ABHD17B: variants seen among roughly 807,000 people sequenced by gnomAD.
The protein encoded by ABHD17B is abhydrolase domain containing 17B, depalmitoylase.
In ABHD17B, 9 loss-of-function variants were observed where a neutral mutation model predicts 26.2. The observed-to-expected ratio is 0.34, with a 90% confidence interval of 0.21 to 0.60. The LOEUF (loss-of-function observed/expected upper bound fraction) is 0.60, where lower values mean the gene tolerates loss of function less well. ABHD17B is among the 20% of genes least tolerant of loss of function. The pLI, the probability that ABHD17B is intolerant of heterozygous loss-of-function variation, is 0.80. For synonymous variants in ABHD17B, 127 were observed against 122.3 expected (o/e 1.04, Z -0.25); for missense variants, 224 against 352.1 (o/e 0.64, Z 2.91).
chr9:71,895,221 C>T (rs1380738100), intron 1 of ABHD17B, among the ~76,000 whole-genome samples: 2 of 152,116 alleles, frequency 1.3e-5, no homozygotes, highest in Admixed American at 1.3e-4. Context: ...TTTTTTCCTC[C>T]CTCCTCCCAC....
chr9:71,908,922 G>A (rs72739874), intron 1 of ABHD17B, among the ~76,000 whole-genome samples: 13,515 of 152,238 alleles, frequency 0.089, 710 homozygotes, highest in Non-Finnish European at 0.12. Context: ...GTGGGATAGC[G>A]TGCCTGGAGT....
rs923789085 is a variant in ABHD17B, at chr9:71,885,410, A to G, written c.-3-10327T>C. Among the ~76,000 whole-genome samples the G allele has an allele frequency of 1.9e-4, 28 of 150,042 alleles. No homozygotes were observed. The Admixed American group carries it at 1.9e-3, about 10-fold the overall frequency. On this transcript the variant is annotated intron_variant, in intron 1 of 3. Transcript: ENST00000333421. ...GGGAAGCAGAGGTTACAGTGAGCCG[A>G]GATTGCACCACTGCACTCCAGCCTG... is the stretch of plus-strand genomic sequence containing the variant.
intron 1 of ABHD17B, among the ~76,000 whole-genome samples, chr9:71,906,026 G>T (rs1263675531): frequency 6.6e-6 from 1 of 152,052 alleles, no homozygotes; most frequent in Non-Finnish European, 1.5e-5. Flanking sequence ...TCCAGCCTGG[G>T]CAACAGAGTG....
Position 71,879,252 on chromosome 9 carries a change from T to C in ABHD17B, c.-3-4169A>G, listed in dbSNP as rs192506971. 1.7e-3 allele frequency among the ~76,000 whole-genome samples: 260 copies of C among 152,286 alleles called. 2 individuals are homozygous for C. Among genetic ancestry groups the C allele is most frequent in the African/African-American group, 5.9e-3 (247 of 41,550 alleles). On this transcript the variant is annotated intron_variant, in intron 1 of 3. Coordinates refer to ENST00000333421, the MANE Select transcript of ABHD17B (RefSeq NM_001025780.3). The stretch of plus-strand genomic sequence containing the variant: ...AAATAAAGGAGAATAGTTAATACAA[T>C]GTTTTTTGTACAAGTGAGCAATGGG...
chr9:71,865,639 G>C lies in ABHD17B; in HGVS notation c.*1148C>G. 1 of 893,108 alleles carries C rather than the reference G, an allele frequency of 1.1e-6. No homozygotes were observed. The highest frequency in any genetic ancestry group is 5.2e-5 in the South Asian group (1 of 19,288). The allele number at this position is 893,108 out of a possible 1,614,324, so 55.3% of individuals were successfully genotyped here. On this transcript the variant is annotated 3_prime_UTR_variant, in exon 4 of 4. Transcript: ENST00000333421. The stretch of plus-strand genomic sequence containing the variant: ...CCGACACTTTGGGAGGCCAAGGGCA[G>C]ATCATGAGGTCAGGAGTTCAAGACC...
At chr9:71,872,783 AT>A (rs1336782862) in intron 2 of ABHD17B, among the ~76,000 whole-genome samples, 19 of 152,108 alleles carry the variant, frequency 1.2e-4, no homozygotes, top group Admixed American at 1.2e-3. Context: ...TATGTAAAAG[AT>A]TTTTATTTAA....
chr9:71,893,728 G>A (rs1228953497), intron 1 of ABHD17B, among the ~76,000 whole-genome samples: 2 of 152,162 alleles, frequency 1.3e-5, no homozygotes, highest in African/African-American at 4.8e-5. Flanking sequence ...GCCTGTTTCT[G>A]GGTAACTAAC....
intron 1 of ABHD17B, among the ~76,000 whole-genome samples, chr9:71,879,881 A>G (rs960268779): frequency 1.3e-5 from 2 of 152,218 alleles, no homozygotes; most frequent in Admixed American, 6.5e-5. Context: ...AATGTCACAA[A>G]TCTGATCAAT....
chr9:71,883,454 G>T (rs1338194322), intron 1 of ABHD17B, among the ~76,000 whole-genome samples: 1 of 152,210 alleles, frequency 6.6e-6, no homozygotes, highest in Non-Finnish European at 1.5e-5. Context: ...GGAAAGGATG[G>T]ATTCTTTAGT....
chr9:71,901,315 G>A (rs571373721), intron 1 of ABHD17B, among the ~76,000 whole-genome samples: 2 of 151,624 alleles, frequency 1.3e-5, no homozygotes, highest in African/African-American at 2.4e-5. Context: ...GGCCCAAAAT[G>A]AATTGTAATA....
At chr9:71,897,778 G>T (rs1827002280) in intron 1 of ABHD17B, among the ~76,000 whole-genome samples, 1 of 152,154 alleles carries the variant, frequency 6.6e-6, no homozygotes, top group Non-Finnish European at 1.5e-5. Flanking sequence ...AGTTTGGCTA[G>T]CTGCATAAAC....
chr9:71,893,839 C>T (rs554041460), intron 1 of ABHD17B, among the ~76,000 whole-genome samples: 15 of 152,220 alleles, frequency 9.9e-5, no homozygotes, highest in African/African-American at 3.4e-4. Flanking sequence ...CCTGTAATCC[C>T]AGCACTTTGG....
intron 1 of ABHD17B, among the ~76,000 whole-genome samples, chr9:71,899,124 A>G (rs752632204): frequency 7.8e-5 from 11 of 141,536 alleles, no homozygotes; most frequent in South Asian, 2.2e-4. Context: ...ACTCTCAGGG[A>G]AAAAAAAAAA....
chr9:71,903,187 CT>C (rs879863203), intron 1 of ABHD17B, among the ~76,000 whole-genome samples: 100 of 148,210 alleles, frequency 6.7e-4, no homozygotes, highest in Admixed American at 4.6e-3. Context: ...TATTGTCATC[CT>C]TTTTTTTTTC....
At chr9:71,863,253 A>C (rs536123174), downstream of ABHD17B, among the ~76,000 whole-genome samples, 2 of 152,336 alleles carry the variant, frequency 1.3e-5, no homozygotes, top group South Asian at 4.1e-4. Flanking sequence ...TCATCAGTTA[A>C]GGCTAAAAAC....
At chr9:71,876,372 G>A (rs1008410254) in intron 1 of ABHD17B, among the ~76,000 whole-genome samples, 1 of 152,136 alleles carries the variant, frequency 6.6e-6, no homozygotes, top group Admixed American at 6.5e-5. Flanking sequence ...TCAAATGTTG[G>A]TGTAGTGAAG....
intron 1 of ABHD17B, among the ~76,000 whole-genome samples, chr9:71,900,965 C>T (rs894044818): frequency 5.3e-5 from 8 of 151,964 alleles, no homozygotes; most frequent in Admixed American, 5.2e-4. Flanking sequence ...CTGGCTAACA[C>T]TGTGAAACCC....
intron 1 of ABHD17B, among the ~76,000 whole-genome samples, chr9:71,903,459 A>T (rs1460644675): frequency 6.6e-6 from 1 of 152,196 alleles, no homozygotes; most frequent in African/African-American, 2.4e-5. Context: ...TTTGATCCAA[A>T]TTCTCTGATT....
chr9:71,868,690 GTTTATT>G (rs1171335251), intron 3 of ABHD17B, among the ~76,000 whole-genome samples: 2 of 152,102 alleles, frequency 1.3e-5, no homozygotes, highest in Non-Finnish European at 2.9e-5. Context: ...TTTTCAAACA[GTTTATT>G]TTTATTTTTT....
Sources: allele counts gnomAD v4.1 joint callset (sites outside exome capture counted in the v4.1 genomes callset), GRCh38; gene constraint gnomAD v4.1.1; transcripts MANE v1.5; gene names NCBI Gene and HGNC (gene_info 2026-07-23, HGNC 2026-07-21).